Variants in MROH7 observed in about 807,000 individuals in gnomAD.
MROH7 encodes the protein maestro heat like repeat family member 7, also known as maestro heat-like repeat-containing protein family member 7.
In MROH7, 113 loss-of-function variants were observed where a neutral mutation model predicts 129.2. The ratio of observed to expected loss-of-function variants is 0.87; its 90% CI spans 0.75 to 1.02. The LOEUF (loss-of-function observed/expected upper bound fraction) is 1.02. Ranked by LOEUF, MROH7 falls within the 50% of genes least tolerant of loss-of-function variation. MROH7 has a pLI of 0.00. For synonymous variants in MROH7, 655 were observed against 667.9 expected (o/e 0.98, Z 0.30); for missense variants, 1,601 against 1,671.3 (o/e 0.96, Z 0.73).
chr1:54,685,809 G>A (rs1026430940), intron 14 of MROH7, among the ~76,000 whole-genome samples: 62 of 152,112 alleles, frequency 4.1e-4, no homozygotes, highest in African/African-American at 1.4e-3. Context: ...GTGTGCCTGT[G>A]TTGTGAATGA....
At chr1:54,697,542 C>A in intron 17 of MROH7, 1 of 592,874 alleles carries the variant, frequency 1.7e-6, no homozygotes, top group Non-Finnish European at 3.1e-6. Context: ...CTCCAATTTC[C>A]CTGACCATGG....
intron 17 of MROH7, chr1:54,699,702 A>G: frequency 4.7e-6 from 1 of 214,592 alleles, no homozygotes; most frequent in Non-Finnish European, 9.3e-6. Flanking sequence ...ATGGAGGAAC[A>G]ACTCGGGTTT....
chr1:54,649,126 A>G (rs1644515042), intron 1 of MROH7, among the ~76,000 whole-genome samples: 1 of 152,174 alleles, frequency 6.6e-6, no homozygotes. Flanking sequence ...TACATCTGAT[A>G]ACAGTGTGTT....
rs777110437 is a variant in MROH7 at position 54,668,991 on chromosome 1, C to A, written c.1389+54C>A. The A allele has an allele frequency of 2.7e-4, 368 of 1,348,092 alleles. No homozygotes were observed. In the Middle Eastern group the frequency reaches 5.9e-3, roughly 22 times the overall value. The allele number at this position is 1,348,092 out of a possible 1,614,324, so 83.5% of individuals were successfully genotyped here. On this transcript the variant is annotated intron_variant, in intron 5 of 23. Coordinates refer to ENST00000421030, the MANE Select transcript of MROH7 (RefSeq NM_001039464.4). ...ATTGGGGTGGGAGGGGGCAGAATTC[C>A]TGAGTCCACCCACTGATGAGACCGC...
At position 54,645,651 on chromosome 1, in the gene MROH7, C is replaced by CTTTTT. The variant is rs780480424; in HGVS notation, c.-110+3686_-110+3687insTTTTT. On this transcript the variant is annotated intron_variant, in intron 1 of 23. Coordinates refer to ENST00000421030, the MANE Select transcript of MROH7 (RefSeq NM_001039464.4). ...GATATTTCTTTTCTTTTCTTTCTTT[C>CTTTTT]TTTCTTTTTTTTTTTTTTTGAGACA... Among the ~76,000 whole-genome samples the CTTTTT allele has an allele frequency of 4.0e-4, 44 of 110,210 alleles. 2 individuals are homozygous for CTTTTT. Among genetic ancestry groups the CTTTTT allele is most frequent in the African/African-American group, 8.4e-4 (24 of 28,474 alleles). The allele number at this position is 110,210 out of a possible 152,430, so 72.3% of individuals were successfully genotyped here.
In MROH7 at chr1:54,679,248, G is replaced by C. The variant is rs1557710834; in HGVS notation, c.2050-15G>C. 2 of 1,614,040 alleles carry C rather than the reference G, an allele frequency of 1.2e-6. No individual in the cohort carries two copies. The highest frequency in any genetic ancestry group is 8.5e-7 in the Non-Finnish European group (1 of 1,179,940). On this transcript the variant is annotated splice_polypyrimidine_tract_variant and intron_variant, in intron 11 of 23. Transcript: ENST00000421030. ...TACCCATCAGTGTGTCATGATCTCA[G>C]CACCTTTGTTTCAGGAATTTGGAGA...
intron 17 of MROH7, chr1:54,698,952 C>G (rs1219315409): frequency 1.3e-5 from 2 of 152,028 alleles, no homozygotes; most frequent in Non-Finnish European, 2.9e-5. Context: ...TGCCACCATG[C>G]CCAGCTAATT....
At position 54,686,410 on chromosome 1, in the gene MROH7, C is replaced by A. The variant is rs1419556965; in HGVS notation, c.2673C>A (p.Thr891=). ...GCTGCGTGGCTCCTCCCAAGGACAC[C>A]AAGAAGGGTGCACAGCCCTCTCCCT... The part of the protein sequence containing the change: ...LPGCVAPPKD[T]KKGAQPSPFV... The change falls in exon 15 of 24, where the codon ACC becomes ACA. Residue 891 remains threonine, a synonymous_variant. Transcript: ENST00000421030. 1 of 1,614,020 alleles carries A rather than the reference C, an allele frequency of 6.2e-7. No homozygotes were observed. Among genetic ancestry groups the A allele is most frequent in the African/African-American group, 1.3e-5 (1 of 74,920 alleles).
At chr1:54,674,751 G>A (rs193185084) in intron 10 of MROH7, among the ~76,000 whole-genome samples, 144 of 152,284 alleles carry the variant, frequency 9.5e-4, no homozygotes, top group African/African-American at 3.3e-3. Context: ...ACCTAGAGGT[G>A]CACAGTATCA....
chr1:54,670,851 G>A lies in MROH7; in HGVS notation c.1521G>A (p.Val507=), dbSNP rs1385667403. 1.2e-6 allele frequency: 2 copies of A among 1,614,032 alleles called. No individual in the cohort carries two copies. The highest frequency in any genetic ancestry group is 1.6e-4 in the Middle Eastern group (1 of 6,062). Reference sequence around the variant, plus strand: ...GGGAGAGGTCGGAGCTGGTGAACGTGTGTGTGCACAGCGTGTTCTCCCTGC... The same window carrying A: ...GGGAGAGGTCGGAGCTGGTGAACGTATGTGTGCACAGCGTGTTCTCCCTGC... ...GMRERSELVN[V]CVHSVFSLPS... Residue 507 remains valine (V), a synonymous_variant, in exon 7 of 24, where the codon GTG becomes GTA. Coordinates refer to ENST00000421030, the MANE Select transcript of MROH7 (RefSeq NM_001039464.4).
intron 15 of MROH7, among the ~76,000 whole-genome samples, chr1:54,688,723 C>G (rs78753008): frequency 6.6e-6 from 1 of 152,222 alleles, no homozygotes; most frequent in Admixed American, 6.5e-5. Context: ...TTCCCATTCC[C>G]CTCCTGCTCA....
intron 18 of MROH7, among the ~76,000 whole-genome samples, chr1:54,700,873 A>G (rs1645424044): frequency 6.6e-6 from 1 of 152,228 alleles, no homozygotes; most frequent in African/African-American, 2.4e-5. Flanking sequence ...GCTAACTAAC[A>G]ACACAGCGTG....
intron 3 of MROH7, among the ~76,000 whole-genome samples, chr1:54,660,965 A>G (rs1030795985): frequency 2.0e-5 from 3 of 149,014 alleles, no homozygotes; most frequent in African/African-American, 7.4e-5. Context: ...ATTATTGTCA[A>G]TTTGCGTATC....
In MROH7 at chr1:54,703,390, C is replaced by T. The variant is rs1389415005; in HGVS notation, c.3564+645C>T. Among the ~76,000 whole-genome samples, 1 of 152,166 alleles carries T rather than the reference C, an allele frequency of 6.6e-6. No individual in the cohort carries two copies. The highest frequency in any genetic ancestry group is 2.4e-5 in the African/African-American group (1 of 41,416). ...TGTATTACCTGCAACACCAGTCTCACAAAATATGCCCCAGAGGGAGGAAAA... is the reference window on the plus strand; with the variant it reads ...TGTATTACCTGCAACACCAGTCTCATAAAATATGCCCCAGAGGGAGGAAAA... On this transcript the variant is annotated intron_variant, in intron 21 of 23. Coordinates refer to ENST00000421030, the MANE Select transcript of MROH7 (RefSeq NM_001039464.4). This position sits in a 1 kb window ranked among gnomAD's most constrained non-coding sequence, Gnocchi z 4.4.
At chr1:54,697,602 C>A in intron 17 of MROH7, 1 of 689,504 alleles carries the variant, frequency 1.5e-6, no homozygotes. Context: ...CTACTATGTG[C>A]CAAACACTTG....
At chr1:54,649,329 G>A (rs1644519220) in intron 1 of MROH7, among the ~76,000 whole-genome samples, 1 of 152,266 alleles carries the variant, frequency 6.6e-6, no homozygotes, top group Non-Finnish European at 1.5e-5. Context: ...CTCCAGGATT[G>A]CAGGGCAAAG....
rs561333827 is a variant in MROH7, at chr1:54,684,586, G to A, written c.2521-1672G>A. Reference sequence around the variant, plus strand: ...TAAATCGTTTGAGCAAGATAGAGCCGAAAGCAAAGCCCTGTGGCACATCAC... The same window carrying A: ...TAAATCGTTTGAGCAAGATAGAGCCAAAAGCAAAGCCCTGTGGCACATCAC... On this transcript the variant is annotated intron_variant, in intron 14 of 23. Transcript: ENST00000421030. Among the ~76,000 whole-genome samples the A allele has an allele frequency of 3.3e-5, 5 of 152,338 alleles. No individual in the cohort carries two copies. In the East Asian group the frequency reaches 7.7e-4, roughly 23 times the overall value.
intron 8 of MROH7, among the ~76,000 whole-genome samples, chr1:54,673,398 C>T (rs994292993): frequency 1.3e-5 from 2 of 151,976 alleles, no homozygotes; most frequent in African/African-American, 4.8e-5. Context: ...CTCTAAATGG[C>T]TGCCCATGGT....
At chr1:54,670,962 G>T (rs1181607056) in intron 7 of MROH7, 33 bp downstream of exon 7, 5 of 1,562,442 alleles carry the variant, frequency 3.2e-6, no homozygotes, top group Non-Finnish European at 4.3e-6. Flanking sequence ...GGGCCTCAGG[G>T]CTGGCCCATG....
Sources: allele counts gnomAD v4.1 joint callset (sites outside exome capture counted in the v4.1 genomes callset), GRCh38; gene constraint gnomAD v4.1.1; non-coding constraint Gnocchi (gnomAD v3.1); transcripts MANE v1.5; gene names NCBI Gene and HGNC (gene_info 2026-07-23, HGNC 2026-07-21).